Variants in DLGAP1 observed in about 807,000 individuals in gnomAD.
DLGAP1 encodes disks large-associated protein 1.
In DLGAP1, 11 loss-of-function variants were observed where a neutral mutation model predicts 90.8. That is an observed-to-expected ratio of 0.12 (90% CI 0.08 to 0.20). DLGAP1 has a LOEUF of 0.20. Ranked by LOEUF, DLGAP1 falls within the 10% of genes least tolerant of loss-of-function variation. DLGAP1 has a pLI of 1.00. For missense variants in DLGAP1, 1,050 were observed against 1,333.8 expected (o/e 0.79, Z 3.31); for synonymous variants, 558 against 540.7 (o/e 1.03, Z -0.44).
chr18:3,846,043 G>GGTGTGTGTGT (rs35460885), intron 4 of DLGAP1, among the ~76,000 whole-genome samples: 5,706 of 145,062 alleles, frequency 0.039, 133 homozygotes, highest in African/African-American at 0.064. Flanking sequence ...TTGAAAGTGT[G>GGTGTGTGTGT]GTGTGTGTGT....
At chr18:3,671,035 T>C (rs1204954482) in intron 7 of DLGAP1, among the ~76,000 whole-genome samples, 2 of 152,236 alleles carry the variant, frequency 1.3e-5, no homozygotes, top group African/African-American at 4.8e-5. Flanking sequence ...GTATTACTTC[T>C]AGTTTTGTCT....
intron 5 of DLGAP1, among the ~76,000 whole-genome samples, chr18:3,757,199 G>T (rs1465938951): frequency 6.6e-6 from 1 of 152,178 alleles, no homozygotes; most frequent in Admixed American, 6.5e-5. Context: ...CACGAGGTCA[G>T]GAGTTCAAGA....
chr18:4,010,620 A>C (rs1384087766), intron 2 of DLGAP1, among the ~76,000 whole-genome samples: 1 of 152,168 alleles, frequency 6.6e-6, no homozygotes, highest in Non-Finnish European at 1.5e-5. Context: ...AAGCATAGGA[A>C]TCATACAACT....
At chr18:3,689,582 G>A (rs1019200924) in intron 7 of DLGAP1, among the ~76,000 whole-genome samples, 3 of 152,124 alleles carry the variant, frequency 2.0e-5, no homozygotes, top group Non-Finnish European at 4.4e-5. Context: ...GCTGATATGT[G>A]TGGAGAATTG....
intron 5 of DLGAP1, among the ~76,000 whole-genome samples, chr18:3,769,627 G>A (rs781554805): frequency 3.3e-5 from 5 of 152,188 alleles, no homozygotes; most frequent in African/African-American, 1.2e-4. Context: ...CATACTGTGT[G>A]ATTCCATTCA....
At chr18:3,735,179 C>A (rs993005079) in intron 6 of DLGAP1, among the ~76,000 whole-genome samples, 11 of 152,106 alleles carry the variant, frequency 7.2e-5, no homozygotes, top group Admixed American at 4.6e-4. Context: ...TAATACTTAT[C>A]TCATAGGAGT....
At chr18:4,247,601 C>T (rs752203675) in intron 1 of DLGAP1, among the ~76,000 whole-genome samples, 18 of 152,050 alleles carry the variant, frequency 1.2e-4, no homozygotes, top group Non-Finnish European at 2.2e-4. Context: ...CATGGCAAAA[C>T]CCCGTCTCTA....
chr18:3,651,391 A>G (rs918836927), intron 7 of DLGAP1, among the ~76,000 whole-genome samples: 3 of 152,194 alleles, frequency 2.0e-5, no homozygotes, highest in Non-Finnish European at 4.4e-5. Context: ...CAAAAAGTTG[A>G]AACTTCATTC....
intron 1 of DLGAP1, among the ~76,000 whole-genome samples, chr18:4,179,328 C>T (rs772109924): frequency 1.1e-4 from 16 of 152,132 alleles, no homozygotes; most frequent in Non-Finnish European, 1.8e-4. Flanking sequence ...TAACAGCTGT[C>T]AAAAGTAAAG....
chr18:3,521,658 C>T (rs2144157827), intron 10 of DLGAP1, among the ~76,000 whole-genome samples: 1 of 152,316 alleles, frequency 6.6e-6, no homozygotes, highest in South Asian at 2.1e-4. Flanking sequence ...TCCTAAAATT[C>T]CCCTGCATAG....
intron 5 of DLGAP1, among the ~76,000 whole-genome samples, chr18:3,798,106 T>C (rs141895836): frequency 3.2e-4 from 49 of 152,328 alleles, no homozygotes; most frequent in African/African-American, 1.2e-3. Context: ...GTGTCTTTAT[T>C]AGCAGCATGA....
chr18:3,835,696 T>C (rs944756804), intron 4 of DLGAP1, among the ~76,000 whole-genome samples: 2 of 151,296 alleles, frequency 1.3e-5, no homozygotes, highest in African/African-American at 4.9e-5. Flanking sequence ...ATAAAAGCTA[T>C]AGCTCTTCTG....
At chr18:4,010,405 G>A (rs1054912092) in intron 2 of DLGAP1, among the ~76,000 whole-genome samples, 9 of 152,046 alleles carry the variant, frequency 5.9e-5, no homozygotes, top group East Asian at 1.9e-4. Flanking sequence ...AAAACTAGCC[G>A]GGTGTGGTGG....
intron 2 of DLGAP1, among the ~76,000 whole-genome samples, chr18:4,098,725 G>A (rs1045291155): frequency 1.3e-5 from 2 of 152,210 alleles, no homozygotes; most frequent in African/African-American, 4.8e-5. Context: ...GCAATTTTAA[G>A]TGCACTGAGA....
Position 4,368,023 on chromosome 18 carries a change from T to C in DLGAP1, c.-267+86983A>G, listed in dbSNP as rs538909324. On this transcript the variant is annotated intron_variant, in intron 1 of 12. Transcript: ENST00000315677. The stretch of plus-strand genomic sequence containing the variant: ...TAAGGAAGCATAAACATTACACACA[T>C]ATGCAATGCACACATTTTTAATGAC... Among the ~76,000 whole-genome samples, 196 of 152,242 alleles carry C rather than the reference T, an allele frequency of 1.3e-3. 2 individuals carry two copies. Among genetic ancestry groups the C allele is most frequent in the Non-Finnish European group, 5.9e-4 (40 of 68,020 alleles).
intron 1 of DLGAP1, among the ~76,000 whole-genome samples, chr18:4,416,771 C>T (rs2082909666): frequency 6.6e-6 from 1 of 152,168 alleles, no homozygotes; most frequent in Non-Finnish European, 1.5e-5. Flanking sequence ...TTTTCCAACC[C>T]ATCACAGACA....
chr18:3,993,487 C>G (rs907134715), intron 3 of DLGAP1, among the ~76,000 whole-genome samples: 3 of 151,936 alleles, frequency 2.0e-5, no homozygotes, highest in Non-Finnish European at 4.4e-5. Context: ...TGTCTTTCCT[C>G]CTTTCAGTAA....
At chr18:4,056,394 C>G (rs12963271) in intron 2 of DLGAP1, among the ~76,000 whole-genome samples, 1 of 152,032 alleles carries the variant, frequency 6.6e-6, no homozygotes, top group Non-Finnish European at 1.5e-5. Flanking sequence ...AAACACAAAA[C>G]TTGACATAAA....
chr18:4,197,334 T>TA (rs2077520314), intron 1 of DLGAP1, among the ~76,000 whole-genome samples: 1 of 151,962 alleles, frequency 6.6e-6, no homozygotes, highest in Admixed American at 6.6e-5. Context: ...GGCATGTTGG[T>TA]AAACTGGAGT....
Sources: allele counts gnomAD v4.1 joint callset (sites outside exome capture counted in the v4.1 genomes callset), GRCh38; gene constraint gnomAD v4.1.1; transcripts MANE v1.5; gene names NCBI Gene and HGNC (gene_info 2026-07-23, HGNC 2026-07-21).